HENMT1: variants seen among roughly 807,000 people sequenced by gnomAD.
HENMT1 encodes small RNA 2'-O-methyltransferase.
Under a neutral mutation model 31.1 loss-of-function variants are expected in HENMT1, and 27 were observed. The observed-to-expected ratio is 0.87, with a 90% CI of 0.64 to 1.20. The LOEUF is 1.20. Among genes scored for constraint, HENMT1 ranks in the 50% most tolerant of loss-of-function variants. The pLI, the probability that HENMT1 is intolerant of heterozygous loss-of-function variation, is 0.00. For missense variants in HENMT1, 438 were observed against 469.6 expected (o/e 0.93, Z 0.62); for synonymous variants, 167 against 172.2 (o/e 0.97, Z 0.24).
chr1:108,654,936 T>C (rs1299564264), intron 4 of HENMT1, 86 bp from the exon 5 acceptor site: 5 of 1,315,064 alleles, frequency 3.8e-6, no homozygotes, highest in Admixed American at 1.9e-5. Flanking sequence ...CTCTGATAAT[T>C]ATCTTCTACC....
rs1417726102 is a variant in HENMT1, at chr1:108,659,939, T to C, written c.-55A>G. The stretch of plus-strand genomic sequence containing the variant: ...TGAAGATTTATCCTTCAAGCTCTAT[T>C]TGAGAGAATCAGCACTGACTCAGCT... On this transcript the variant is annotated 5_prime_UTR_variant, in exon 2 of 8. Transcript: ENST00000651461. The C allele has an allele frequency of 6.4e-7, 1 of 1,567,584 alleles. No homozygotes were observed. Among genetic ancestry groups the C allele is most frequent in the African/African-American group, 1.4e-5 (1 of 72,630 alleles).
In HENMT1 at chr1:108,648,688, G is replaced by A. The variant is rs147625756; in HGVS notation, c.1060C>T (p.Arg354Cys). ...ATCATCTCTTCATTAGCACATAAGC[G>A]GTTCAACTTGGGATACGCAAGGAGT... ...QRLLAYPKLN[R>C]LCANEEMMRS... The change falls in exon 8 of 8, where the codon CGC (arginine) becomes TGC (cysteine). Residue 354 changes from arginine (R) to cysteine (C), a missense_variant. By Grantham distance (180) the Arg-to-Cys change is radical. Coordinates refer to ENST00000651461, the MANE Select transcript of HENMT1 (RefSeq NM_001102592.2). 7.8e-5 allele frequency: 126 copies of A among 1,614,120 alleles called. No homozygotes were observed. The African/African-American group carries it at 1.1e-3, about 13-fold the overall frequency.
intron 1 of HENMT1, 87 bp downstream of exon 1, chr1:108,660,876 A>G (rs1416942195): frequency 4.8e-5 from 27 of 564,264 alleles, no homozygotes; most frequent in Non-Finnish European, 5.8e-5. Context: ...GTGAGCCGAG[A>G]TCCCGCCACT....
At position 108,650,263 on chromosome 1, in the gene HENMT1, T is replaced by C; in HGVS notation, c.704A>G (p.Lys235Arg). 4 of 1,614,222 alleles carry C rather than the reference T, an allele frequency of 2.5e-6. No homozygotes were observed. The highest frequency in any genetic ancestry group is 3.4e-6 in the Non-Finnish European group (4 of 1,180,012). The change falls in exon 7 of 8, where the codon AAG becomes AGG. Residue 235 changes from lysine (K) to arginine (R), a missense_variant. Coordinates refer to ENST00000651461, the MANE Select transcript of HENMT1 (RefSeq NM_001102592.2). ...CTCTGAAAGACATGATTCTGTTGCC[T>C]TTCCTCCATTTTTCCGGAAGATTCC... ...QIGIFRKNGGKATESCLSEQH... is the reference protein window; with the variant it reads ...QIGIFRKNGGRATESCLSEQH...
chr1:108,655,384 TTTAA>T, intron 4 of HENMT1, among the ~76,000 whole-genome samples, 198 bp downstream of exon 4: 1 of 152,352 alleles, frequency 6.6e-6, no homozygotes, highest in South Asian at 2.1e-4. Flanking sequence ...ATTATAATCA[TTTAA>T]TTGAGGCTAT....
In HENMT1 at chr1:108,648,842, T is replaced by G; in HGVS notation, c.906A>C (p.Lys302Asn). The change falls in exon 8 of 8, where the codon AAA becomes AAC. Residue 302 changes from lysine to asparagine, a missense_variant. Coordinates refer to ENST00000651461, the MANE Select transcript of HENMT1 (RefSeq NM_001102592.2). ...CAGGGGCCTTTGAGCCACCAATGTC[T>G]TTGGGCTTATCACCCCGTTCCCCAG... The part of the protein sequence containing the change: ...EQAGERGDKP[K>N]DIGGSKAPVP... 1 of 1,614,240 alleles carries G rather than the reference T, an allele frequency of 6.2e-7. No individual in the cohort carries two copies. The highest frequency in any genetic ancestry group is 8.5e-7 in the Non-Finnish European group (1 of 1,180,050).
Position 108,657,505 on chromosome 1 carries a change from G to A in HENMT1, c.96C>T (p.Tyr32=). The A allele has an allele frequency of 1.2e-6, 2 of 1,610,456 alleles. No individual in the cohort carries two copies. The highest frequency in any genetic ancestry group is 1.7e-6 in the Non-Finnish European group (2 of 1,176,748). ...ETAIQFKPPL[Y]RQRYQFVKNL... ...TTTTAACGAACTGGTACCGCTGTCT[G>A]TATAGTGGAGGTTTAAACTGAATTG... Residue 32 remains tyrosine, a synonymous_variant, in exon 3 of 8, where the codon TAC becomes TAT. Coordinates refer to ENST00000651461, the MANE Select transcript of HENMT1 (RefSeq NM_001102592.2).
Position 108,656,534 on chromosome 1 carries a change from G to A in HENMT1, c.151-836C>T, listed in dbSNP as rs546712096. Among the ~76,000 whole-genome samples the A allele has an allele frequency of 6.6e-5, 10 of 152,316 alleles. No homozygotes were observed. The South Asian group carries it at 2.1e-3, about 32-fold the overall frequency. On this transcript the variant is annotated intron_variant, in intron 3 of 7. Coordinates refer to ENST00000651461, the MANE Select transcript of HENMT1 (RefSeq NM_001102592.2). ...GGGCTCTTTCTCTGTTGCCCAGGCT[G>A]GAATGCAGGTGATAACAGCTCACTG...
chr1:108,651,315 T>C, intron 5 of HENMT1, 106 bp from the exon 6 acceptor site: 1 of 905,696 alleles, frequency 1.1e-6, no homozygotes, highest in South Asian at 1.7e-5. Context: ...GATTTCTCCC[T>C]TCTTTGAATA....
intron 1 of HENMT1, among the ~76,000 whole-genome samples, chr1:108,660,222 A>C (rs1003946352): frequency 7.9e-5 from 12 of 151,912 alleles, no homozygotes; most frequent in African/African-American, 2.9e-4. Context: ...TTAAATGTGG[A>C]CTACCATTTA....
At chr1:108,654,256 T>C (rs1658145694) in intron 5 of HENMT1, among the ~76,000 whole-genome samples, 1 of 152,234 alleles carries the variant, frequency 6.6e-6, no homozygotes, top group Non-Finnish European at 1.5e-5. Context: ...TCTGTTTTTA[T>C]ACCAGAACCA....
At chr1:108,655,736 T>C (rs754131742) in intron 3 of HENMT1, 38 bp from the exon 4 acceptor site, 8 of 1,431,214 alleles carry the variant, frequency 5.6e-6, no homozygotes, top group Non-Finnish European at 7.8e-6. Flanking sequence ...AAGACATTTA[T>C]AGCAAGAGAA....
intron 4 of HENMT1, 104 bp downstream of exon 4, chr1:108,655,481 TG>T: frequency 1.7e-6 from 1 of 601,640 alleles, no homozygotes; most frequent in African/African-American, 1.9e-5. Flanking sequence ...AGATCCCTAA[TG>T]GCCCCAATCT....
intron 3 of HENMT1, among the ~76,000 whole-genome samples, chr1:108,656,151 A>T (rs766530821): frequency 4.6e-5 from 7 of 152,146 alleles, no homozygotes; most frequent in Non-Finnish European, 8.8e-5. Flanking sequence ...AACCATCTGA[A>T]ATTCCATACT....
At chr1:108,659,432 G>A (rs919582893) in intron 2 of HENMT1, among the ~76,000 whole-genome samples, 1 of 151,884 alleles carries the variant, frequency 6.6e-6, no homozygotes, top group Non-Finnish European at 1.5e-5. Flanking sequence ...CACTTGCCAT[G>A]TGTAGCTACT....
intron 1 of HENMT1, among the ~76,000 whole-genome samples, chr1:108,660,701 GA>G (rs1658430778): frequency 6.6e-6 from 1 of 151,928 alleles, no homozygotes; most frequent in Admixed American, 6.6e-5. Context: ...GAGGCGGGCG[GA>G]TCACGAGGTC....
chr1:108,660,892 C>T, intron 1 of HENMT1, 71 bp downstream of exon 1: 1 of 763,872 alleles, frequency 1.3e-6, no homozygotes, highest in South Asian at 5.9e-5. Flanking sequence ...CCACTGCACT[C>T]CAGCCTGGGC....
intron 5 of HENMT1, among the ~76,000 whole-genome samples, chr1:108,654,251 T>C (rs1433796922): frequency 2.0e-5 from 3 of 152,202 alleles, no homozygotes; most frequent in Non-Finnish European, 4.4e-5. Flanking sequence ...ATGTCTCTGT[T>C]TTTATACCAG....
chr1:108,659,652 C>T (rs773128610), intron 2 of HENMT1, among the ~76,000 whole-genome samples: 17 of 152,196 alleles, frequency 1.1e-4, no homozygotes, highest in Admixed American at 6.5e-4. Context: ...GATTTTGCTA[C>T]TTTAACACCT....
Sources: gnomAD v4.1 joint callset for allele counts (sites outside exome capture counted in the v4.1 genomes callset) on GRCh38, gnomAD v4.1.1 for gene constraint, MANE v1.5 for transcripts, NCBI Gene and HGNC (gene_info 2026-07-23, HGNC 2026-07-21) for gene names.